Variants in ZNF679 observed in about 807,000 individuals in gnomAD.
ZNF679 encodes hypothetical protein MGC42415.
ZNF679 carries 10 observed loss-of-function variants against 13.4 expected under a neutral mutation model. That is an observed-to-expected ratio of 0.75 (90% confidence interval 0.46 to 1.27). ZNF679 has a LOEUF of 1.27. ZNF679 is among the 50% of genes most tolerant of loss of function. The probability of loss-of-function intolerance (pLI) is 0.00; values close to 1 mark genes in which losing one functional copy is unlikely to be tolerated. For synonymous variants in ZNF679, 179 were observed against 162.5 expected (o/e 1.10, Z -0.77); for missense variants, 525 against 477.8 (o/e 1.10, Z -0.92).
At chr7:64,249,993 C>G (rs964677403) in intron 2 of ZNF679, among the ~76,000 whole-genome samples, 5 of 152,066 alleles carry the variant, frequency 3.3e-5, no homozygotes, top group Non-Finnish European at 5.9e-5. Context: ...GGGTGCCCGC[C>G]ACCGTGCCTG....
chr7:64,255,155 C>T (rs1430112284), intron 2 of ZNF679, among the ~76,000 whole-genome samples: 1 of 152,094 alleles, frequency 6.6e-6, no homozygotes, highest in Non-Finnish European at 1.5e-5. Flanking sequence ...GGCTGTCACA[C>T]TGCACATTGT....
chr7:64,235,032 T>G (rs187312659), intron 1 of ZNF679, among the ~76,000 whole-genome samples: 241 of 152,256 alleles, frequency 1.6e-3, no homozygotes, highest in African/African-American at 5.6e-3. Flanking sequence ...GAGACAGGGT[T>G]TCGCCATGTT....
intron 2 of ZNF679, among the ~76,000 whole-genome samples, chr7:64,252,883 A>T (rs1487438477): frequency 6.6e-6 from 1 of 151,978 alleles, no homozygotes; most frequent in Non-Finnish European, 1.5e-5. Context: ...ATGCCCGGCT[A>T]ATTTCTGTAT....
At chr7:64,253,297 G>T (rs745686454) in intron 2 of ZNF679, among the ~76,000 whole-genome samples, 1 of 152,046 alleles carries the variant, frequency 6.6e-6, no homozygotes, top group African/African-American at 2.4e-5. Context: ...TCTCTGACTT[G>T]GAAATTAAAG....
chr7:64,253,090 T>C (rs1033981716), intron 2 of ZNF679, among the ~76,000 whole-genome samples: 1 of 152,216 alleles, frequency 6.6e-6, no homozygotes, highest in Non-Finnish European at 1.5e-5. Context: ...AATTTGGTCA[T>C]AGTACTAATT....
At chr7:64,240,577 G>A (rs892775547) in intron 1 of ZNF679, among the ~76,000 whole-genome samples, 1 of 152,024 alleles carries the variant, frequency 6.6e-6, no homozygotes, top group African/African-American at 2.4e-5. Flanking sequence ...CCAGCTGATA[G>A]AATTGTCACC....
At chr7:64,233,922 G>A (rs942956125) in intron 1 of ZNF679, among the ~76,000 whole-genome samples, 1 of 152,124 alleles carries the variant, frequency 6.6e-6, no homozygotes, top group Non-Finnish European at 1.5e-5. Context: ...ACTGAGAGAC[G>A]GGACACTGGA....
chr7:64,248,866 A>G lies in ZNF679; in HGVS notation c.-90-162A>G, dbSNP rs569373927. 2.6e-5 allele frequency among the ~76,000 whole-genome samples: 4 copies of G among 152,252 alleles called. No individual in the cohort carries two copies. The South Asian group carries it at 8.3e-4, about 32-fold the overall frequency. On this transcript the variant is annotated intron_variant, in intron 1 of 4. Coordinates refer to ENST00000421025, the MANE Select transcript of ZNF679 (RefSeq NM_153363.3). ...CTGTTATTTTTGCTTTGTTTAGCCC[A>G]GTGTCTGATCACATTTTTCGTCACT...
At chr7:64,248,127 T>C (rs968768005) in intron 1 of ZNF679, among the ~76,000 whole-genome samples, 15 of 151,802 alleles carry the variant, frequency 9.9e-5, no homozygotes, top group African/African-American at 3.6e-4. Context: ...CAAGGCAATA[T>C]CTTACTTGGT....
In ZNF679 at chr7:64,266,328, G is replaced by T. The variant is rs767569456; in HGVS notation, c.695G>T (p.Arg232Ile). ...TCTTCAACCCTTTCTAAACATAAAA[G>T]AATTCATACTGGAGAGAAACCCTAC... ...NCSSTLSKHKRIHTGEKPYRC... is the reference protein window; with the variant it reads ...NCSSTLSKHKIIHTGEKPYRC... The change falls in exon 5 of 5, where the codon AGA (arginine) becomes ATA (isoleucine). Residue 232 changes from arginine (R) to isoleucine (I), a missense_variant. Coordinates refer to ENST00000421025, the MANE Select transcript of ZNF679 (RefSeq NM_153363.3). 35 of 1,612,952 alleles carry T rather than the reference G, an allele frequency of 2.2e-5. No homozygotes were observed. Among genetic ancestry groups the T allele is most frequent in the East Asian group, 1.3e-4 (6 of 44,752 alleles).
intron 2 of ZNF679, among the ~76,000 whole-genome samples, chr7:64,253,803 C>T (rs528017538): frequency 2.0e-5 from 3 of 152,202 alleles, no homozygotes; most frequent in South Asian, 4.1e-4. Context: ...ACCCTGAAGA[C>T]AGCATGTTTT....
chr7:64,233,430 G>T (rs959428956), intron 1 of ZNF679, among the ~76,000 whole-genome samples: 1 of 152,078 alleles, frequency 6.6e-6, no homozygotes, highest in African/African-American at 2.4e-5. Context: ...GGTTGAGGCT[G>T]CAGTGAGTCG....
chr7:64,236,004 C>T (rs576605330), intron 1 of ZNF679, among the ~76,000 whole-genome samples: 51 of 152,216 alleles, frequency 3.4e-4, no homozygotes, highest in South Asian at 3.1e-3. Flanking sequence ...TGGTGCCTCA[C>T]GCCTGTAATC....
chr7:64,249,344 C>A lies in ZNF679; in HGVS notation c.39+188C>A, dbSNP rs142547963. On this transcript the variant is annotated intron_variant, in intron 2 of 4. Transcript: ENST00000421025. ...TGGTGCCTGGGCCAGCGGCTAGGAC[C>A]CTAGGAATTCTTTTTCCTTTGCAGT... 5.2e-3 allele frequency among the ~76,000 whole-genome samples: 792 copies of A among 152,286 alleles called. 4 individuals are homozygous for A. Among genetic ancestry groups the A allele is most frequent in the Non-Finnish European group, 6.2e-3 (423 of 68,028 alleles).
At chr7:64,246,135 TA>T (rs1232638778) in intron 1 of ZNF679, among the ~76,000 whole-genome samples, 3 of 152,228 alleles carry the variant, frequency 2.0e-5, no homozygotes, top group African/African-American at 7.2e-5. Context: ...CTAACTTTTC[TA>T]AGTTGCACCT....
chr7:64,252,458 T>C (rs377088320), intron 2 of ZNF679, among the ~76,000 whole-genome samples: 1 of 152,190 alleles, frequency 6.6e-6, no homozygotes, highest in Non-Finnish European at 1.5e-5. Context: ...TTTTTCAGAG[T>C]GAGCATAGAA....
chr7:64,246,552 A>G (rs955554769), intron 1 of ZNF679, among the ~76,000 whole-genome samples: 3 of 151,996 alleles, frequency 2.0e-5, no homozygotes, highest in Non-Finnish European at 4.4e-5. Flanking sequence ...GTGAAACCCC[A>G]TCTCTACTAA....
intron 1 of ZNF679, among the ~76,000 whole-genome samples, chr7:64,229,814 T>G (rs1787611713): frequency 6.6e-6 from 1 of 152,002 alleles, no homozygotes; most frequent in Non-Finnish European, 1.5e-5. Context: ...CACTTCAGAG[T>G]GTGGATCAGG....
At position 64,236,306 on chromosome 7, in the gene ZNF679, A is replaced by G. The variant is rs114500016; in HGVS notation, c.-91+7654A>G. Among the ~76,000 whole-genome samples the G allele has an allele frequency of 4.9e-3, 738 of 152,134 alleles. 3 individuals carry two copies. Among genetic ancestry groups the G allele is most frequent in the African/African-American group, 0.017 (713 of 41,492 alleles). On this transcript the variant is annotated intron_variant, in intron 1 of 4. Transcript: ENST00000421025. Reference sequence around the variant, plus strand: ...CTTTTTTTTATTTTTAAGTTGAATGATTGTCTTATTTTTATTTTGTATTTA... The same window carrying G: ...CTTTTTTTTATTTTTAAGTTGAATGGTTGTCTTATTTTTATTTTGTATTTA...
Sources: allele counts gnomAD v4.1 joint callset (sites outside exome capture counted in the v4.1 genomes callset), GRCh38; gene constraint gnomAD v4.1.1; transcripts MANE v1.5; gene names NCBI Gene and HGNC (gene_info 2026-07-23, HGNC 2026-07-21).